RAP1A: variants seen among roughly 807,000 people sequenced by gnomAD.
RAP1A encodes RAP1A, member of RAS oncogene family, also known as ras-related protein Rap-1A.
In RAP1A, 6 loss-of-function variants were observed where a neutral mutation model predicts 26.4. That is an observed-to-expected ratio of 0.23 (90% CI 0.12 to 0.45). The LOEUF is 0.45. Ranked by LOEUF, RAP1A falls within the 20% of genes least tolerant of loss-of-function variation. RAP1A has a pLI of 0.99. For missense variants in RAP1A, 121 were observed against 217.2 expected, an observed-to-expected ratio of 0.56 and a Z score of 2.78; for synonymous variants, 73 against 79.4, an observed-to-expected ratio of 0.92 and a Z score of 0.43.
chr1:111,603,705 T>C (rs552862143), intron 1 of RAP1A, among the ~76,000 whole-genome samples: 10 of 152,326 alleles, frequency 6.6e-5, no homozygotes, highest in Admixed American at 2.6e-4. Context: ...ATGTTCACAA[T>C]TGCAGTTTAA....
chr1:111,691,611 T>TATATTTACCAA (rs1661671505), intron 2 of RAP1A, among the ~76,000 whole-genome samples, 194 bp downstream of exon 2: 3 of 152,244 alleles, frequency 2.0e-5, no homozygotes, highest in Admixed American at 6.5e-5. Flanking sequence ...CATTTATTCT[T>TATATTTACCAA]ATATTTACCA....
At chr1:111,544,618 G>T (rs1656969424) in intron 1 of RAP1A, among the ~76,000 whole-genome samples, 1 of 152,052 alleles carries the variant, frequency 6.6e-6, no homozygotes, top group Non-Finnish European at 1.5e-5. Flanking sequence ...ATAAACATTT[G>T]GTTTGTTCCA....
intron 1 of RAP1A, among the ~76,000 whole-genome samples, chr1:111,673,207 C>T (rs1209287175): frequency 6.6e-6 from 1 of 152,158 alleles, no homozygotes; most frequent in African/African-American, 2.4e-5. Context: ...ATTCACTCCC[C>T]TCCCCACCAG....
chr1:111,546,992 T>C (rs1417940195), intron 1 of RAP1A, among the ~76,000 whole-genome samples: 1 of 152,198 alleles, frequency 6.6e-6, no homozygotes. Context: ...GAGTGTAAAG[T>C]GGAACAATGC....
chr1:111,691,061 T>A (rs574735596), intron 1 of RAP1A, among the ~76,000 whole-genome samples: 1 of 152,364 alleles, frequency 6.6e-6, no homozygotes, highest in African/African-American at 2.4e-5. Flanking sequence ...CTGTTGGATT[T>A]AATCATCTTG....
At chr1:111,657,342 A>G (rs1255769517) in intron 1 of RAP1A, among the ~76,000 whole-genome samples, 2 of 152,258 alleles carry the variant, frequency 1.3e-5, no homozygotes, top group Middle Eastern at 3.2e-3. Flanking sequence ...TGAAGTGTTT[A>G]TGAAACAGTT....
At chr1:111,619,456 G>C (rs191168164), upstream of RAP1A, among the ~76,000 whole-genome samples, 29 of 152,338 alleles carry the variant, frequency 1.9e-4, no homozygotes, top group Admixed American at 8.5e-4. Context: ...CGCTTAGTTA[G>C]AACAGCGCCT....
intron 1 of RAP1A, among the ~76,000 whole-genome samples, chr1:111,683,861 A>C (rs1438712552): frequency 6.6e-6 from 1 of 152,218 alleles, no homozygotes; most frequent in Non-Finnish European, 1.5e-5. Context: ...ACAACAAAAA[A>C]GGAAAATTTC....
intron 1 of RAP1A, among the ~76,000 whole-genome samples, chr1:111,588,002 T>C (rs2800880): frequency 0.24 from 36,227 of 152,082 alleles, 5,233 homozygotes; most frequent in African/African-American, 0.41. Context: ...AATACACTAT[T>C]TCAGCTTCTG....
chr1:111,710,711 A>G (rs72991095), intron 7 of RAP1A, among the ~76,000 whole-genome samples: 13,259 of 152,312 alleles, frequency 0.087, 771 homozygotes, highest in African/African-American at 0.18. Context: ...ATGAAGGTAC[A>G]TAGAGGAAAA....
intron 1 of RAP1A, among the ~76,000 whole-genome samples, chr1:111,577,812 G>A (rs1158326915): frequency 2.6e-5 from 4 of 152,234 alleles, no homozygotes; most frequent in African/African-American, 9.6e-5. Context: ...TTCCCATGAA[G>A]TAATGTCAGG....
chr1:111,661,618 G>GTCAACATGGTTCACCA (rs1422068820), intron 1 of RAP1A, among the ~76,000 whole-genome samples: 1 of 151,946 alleles, frequency 6.6e-6, no homozygotes, highest in Non-Finnish European at 1.5e-5. Context: ...GACCAACATG[G>GTCAACATGGTTCACCA]TGAAACCCTG....
chr1:111,566,276 G>C (rs1262662193), intron 1 of RAP1A, among the ~76,000 whole-genome samples: 2 of 152,206 alleles, frequency 1.3e-5, no homozygotes, highest in East Asian at 3.8e-4. Flanking sequence ...AATGAGGCAA[G>C]AGTCGGGGGC....
intron 1 of RAP1A, among the ~76,000 whole-genome samples, chr1:111,680,295 C>T (rs994952575): frequency 3.3e-5 from 5 of 152,188 alleles, no homozygotes; most frequent in South Asian, 4.1e-4. Flanking sequence ...GGGACCCAAG[C>T]GGGTTGCGAC....
At chr1:111,586,434 C>G (rs1338696373) in intron 1 of RAP1A, among the ~76,000 whole-genome samples, 1 of 152,108 alleles carries the variant, frequency 6.6e-6, no homozygotes, top group Non-Finnish European at 1.5e-5. Flanking sequence ...AACACAAAAA[C>G]TGGCCATGCA....
chr1:111,633,728 A>T (rs1659642928), intron 1 of RAP1A, among the ~76,000 whole-genome samples: 1 of 152,232 alleles, frequency 6.6e-6, no homozygotes, highest in Non-Finnish European at 1.5e-5. Context: ...CTAGTATTTC[A>T]CTCAAGTGTT....
intron 1 of RAP1A, among the ~76,000 whole-genome samples, chr1:111,651,937 CTTTTT>C (rs149830306): frequency 6.9e-6 from 1 of 145,756 alleles, no homozygotes; most frequent in Non-Finnish European, 1.5e-5. Flanking sequence ...TTTTAATTGA[CTTTTT>C]TTTTTTTGTG....
At chr1:111,681,928 G>A (rs1000747727) in intron 1 of RAP1A, among the ~76,000 whole-genome samples, 2 of 152,138 alleles carry the variant, frequency 1.3e-5, no homozygotes, top group South Asian at 2.1e-4. Flanking sequence ...AGGAAAAAAC[G>A]TTAAGGCCAG....
intron 1 of RAP1A, among the ~76,000 whole-genome samples, chr1:111,659,306 TA>T (rs1224597342): frequency 6.6e-6 from 1 of 152,212 alleles, no homozygotes; most frequent in Non-Finnish European, 1.5e-5. Context: ...AGAACAATTC[TA>T]ACAATATACT....
Sources: allele counts gnomAD v4.1 joint callset (sites outside exome capture counted in the v4.1 genomes callset), GRCh38; gene constraint gnomAD v4.1.1; transcripts MANE v1.5; gene names NCBI Gene and HGNC (gene_info 2026-07-23, HGNC 2026-07-21).